The following GRIA3 variants were observed in gnomAD, a reference collection of about 807,000 sequenced individuals.
The protein encoded by GRIA3 is glutamate ionotropic receptor AMPA type subunit 3.
GRIA3 carries 3 observed loss-of-function variants against 63.0 expected under a neutral mutation model. The ratio of observed to expected loss-of-function variants is 0.05; its 90% CI spans 0.02 to 0.12. GRIA3 has a LOEUF of 0.12. GRIA3 is among the 10% of genes least tolerant of loss of function. The pLI, the probability that GRIA3 is intolerant of heterozygous loss-of-function variation, is 1.00. For missense variants in GRIA3, 347 were observed against 700.9 expected, an observed-to-expected ratio of 0.50 and a Z score of 5.70; for synonymous variants, 274 against 257.9, an observed-to-expected ratio of 1.06 and a Z score of -0.60.
At chrX:123,351,922 T>G (rs972094452) in intron 4 of GRIA3, among the ~76,000 whole-genome samples, 3 of 111,848 alleles carry the variant, frequency 2.7e-5, no homozygotes, top group African/African-American at 9.8e-5. Flanking sequence ...GACAGCTACC[T>G]TCAAATAAGT....
chrX:123,208,846 T>C (rs1392058029), intron 2 of GRIA3, among the ~76,000 whole-genome samples: 1 of 112,211 alleles, frequency 8.9e-6, no homozygotes, highest in African/African-American at 3.2e-5. Flanking sequence ...TATTTCCAAA[T>C]AGCTCTCACT....
rs1200260557 is a variant in GRIA3, at chrX:123,265,732, A to G, written c.508+12190A>G. 1.7e-4 allele frequency among the ~76,000 whole-genome samples: 19 copies of G among 112,389 alleles called. No individual in the cohort carries two copies. In the Admixed American group the frequency reaches 1.8e-3, roughly 11 times the overall value. ...TTGAAATTAACTCTTAAGGAGAGTT[A>G]TGGAGACACAAATAACCAGCCACAT... On this transcript the variant is annotated intron_variant, in intron 3 of 15. Transcript: ENST00000620443.
At chrX:123,278,339 A>G (rs888638575) in intron 3 of GRIA3, among the ~76,000 whole-genome samples, 1 of 112,316 alleles carries the variant, frequency 8.9e-6, no homozygotes, top group Non-Finnish European at 1.9e-5. Context: ...TGTCACATGT[A>G]TAGTGTGCAA....
chrX:123,191,697 A>G (rs1927439345), intron 2 of GRIA3, among the ~76,000 whole-genome samples: 1 of 110,848 alleles, frequency 9.0e-6, no homozygotes, highest in African/African-American at 3.3e-5. Flanking sequence ...TCTACCCCGG[A>G]CTTTTCCAGA....
intron 2 of GRIA3, among the ~76,000 whole-genome samples, chrX:123,206,053 A>G (rs2147257413): frequency 9.0e-6 from 1 of 111,561 alleles, no homozygotes; most frequent in South Asian, 3.8e-4. Flanking sequence ...AAATGGCTCA[A>G]GATTTGGTAT....
In GRIA3 at chrX:123,463,606, GGGAGGGAAAGAAAGAAAGAAAGAAA is replaced by G. The variant is rs2045808705; in HGVS notation, c.2077-1257_2077-1233del. Reference sequence around the variant, plus strand: ...AGGGAGGGAGGGAGGGAGGGAGGGAGGGAGGGAAAGAAAGAAAGAAAGAAAGAAAGAAAGAAAGAAAGAAAGAAAG... The same window carrying G: ...AGGGAGGGAGGGAGGGAGGGAGGGAGGAAAGAAAGAAAGAAAGAAAGAAAG... On this transcript the variant is annotated intron_variant, in intron 12 of 15. Transcript: ENST00000620443. 1.0e-3 allele frequency among the ~76,000 whole-genome samples: 20 copies of G among 20,047 alleles called. 1 individual carries two copies. Among genetic ancestry groups the G allele is most frequent in the Non-Finnish European group, 1.6e-3 (18 of 11,003 alleles). 17.4% of individuals were successfully genotyped at this position (20,047 alleles called of 115,157 possible). A position where few individuals can be genotyped will look rare whatever the true frequency, so the allele number is the denominator to read the frequency against.
intron 5 of GRIA3, among the ~76,000 whole-genome samples, chrX:123,384,157 T>C (rs1479039755): frequency 8.9e-6 from 1 of 112,167 alleles, no homozygotes; most frequent in Non-Finnish European, 1.9e-5. Context: ...AGTGCTGCAA[T>C]GAACATTCAC....
chrX:123,471,366 T>A (rs1235411737), intron 13 of GRIA3, among the ~76,000 whole-genome samples: 1 of 112,506 alleles, frequency 8.9e-6, no homozygotes, highest in Middle Eastern at 4.2e-3. Context: ...TCCATTCTAA[T>A]GATTTTTTAA....
chrX:123,259,339 A>C (rs561610077), intron 3 of GRIA3, among the ~76,000 whole-genome samples: 1 of 111,630 alleles, frequency 9.0e-6, no homozygotes, highest in South Asian at 3.8e-4. Flanking sequence ...ACCTACTTAC[A>C]TAGCCTAGCC....
chrX:123,406,628 A>G (rs1237174217), intron 10 of GRIA3, among the ~76,000 whole-genome samples: 3 of 111,851 alleles, frequency 2.7e-5, no homozygotes, highest in Non-Finnish European at 5.6e-5. Flanking sequence ...TAGTCAGATG[A>G]ACAGCAAGGC....
chrX:123,330,006 G>C (rs1034426345), intron 4 of GRIA3, among the ~76,000 whole-genome samples: 1 of 112,069 alleles, frequency 8.9e-6, no homozygotes, highest in East Asian at 2.8e-4. Flanking sequence ...TCTGGAGCCA[G>C]TCTGCATGGA....
intron 4 of GRIA3, among the ~76,000 whole-genome samples, chrX:123,352,300 A>G (rs768108337): frequency 8.9e-6 from 1 of 111,843 alleles, no homozygotes; most frequent in South Asian, 3.8e-4. Flanking sequence ...GGCTGGTCTC[A>G]AACTCCCAAC....
chrX:123,439,254 G>T (rs1001519650), intron 12 of GRIA3, among the ~76,000 whole-genome samples: 1 of 111,856 alleles, frequency 8.9e-6, no homozygotes, highest in Non-Finnish European at 1.9e-5. Flanking sequence ...TGTTTTAAAT[G>T]GTTTAGAATG....
In GRIA3 at chrX:123,488,973, A is replaced by C. The variant is rs1412614119; in HGVS notation, c.*263A>C. On this transcript the variant is annotated 3_prime_UTR_variant, in exon 16 of 16. Coordinates refer to ENST00000620443, the MANE Select transcript of GRIA3 (RefSeq NM_007325.5). The stretch of plus-strand genomic sequence containing the variant: ...AAAATAATTAAAATAAAAACCAACA[A>C]AAATGGACATGCAAGATTCCAGTAT... 1 of 110,915 alleles carries C rather than the reference A, an allele frequency of 9.0e-6. No homozygotes were observed. The highest frequency in any genetic ancestry group is 1.9e-5 in the Non-Finnish European group (1 of 52,930). 9.1% of individuals were successfully genotyped at this position (110,915 alleles called of 1,213,427 possible). A position where few individuals can be genotyped will look rare whatever the true frequency, so the allele number is the denominator to read the frequency against.
intron 3 of GRIA3, among the ~76,000 whole-genome samples, chrX:123,301,615 G>A (rs2044723751): frequency 9.0e-6 from 1 of 111,592 alleles, no homozygotes; most frequent in Non-Finnish European, 1.9e-5. Flanking sequence ...TTTATATGTG[G>A]AGAAACTGAT....
At chrX:123,303,333 G>A (rs747587489) in intron 3 of GRIA3, among the ~76,000 whole-genome samples, 9 of 110,772 alleles carry the variant, frequency 8.1e-5, no homozygotes, top group Admixed American at 2.9e-4. Context: ...GAACACTTCC[G>A]AAGAACATTT....
At chrX:123,250,930 T>G (rs2044385955) in intron 2 of GRIA3, among the ~76,000 whole-genome samples, 1 of 112,217 alleles carries the variant, frequency 8.9e-6, no homozygotes, top group South Asian at 3.7e-4. Context: ...TGATTACTTT[T>G]TAATAACATT....
chrX:123,402,929 C>G, intron 7 of GRIA3, 65 bp from the exon 8 acceptor site: 1 of 601,353 alleles, frequency 1.7e-6, no homozygotes, highest in Non-Finnish European at 2.8e-6. Flanking sequence ...CAGACCTCAT[C>G]CCAGAGACTT....
intron 2 of GRIA3, among the ~76,000 whole-genome samples, chrX:123,188,843 C>T (rs141803213): frequency 0.011 from 1,265 of 111,767 alleles, 8 homozygotes; most frequent in South Asian, 0.02. Context: ...AAAGAATAAA[C>T]AAAGGGTAAT....
Sources: gnomAD v4.1 joint callset for allele counts (sites outside exome capture counted in the v4.1 genomes callset) on GRCh38, gnomAD v4.1.1 for gene constraint, MANE v1.5 for transcripts, NCBI Gene and HGNC (gene_info 2026-07-23, HGNC 2026-07-21) for gene names.